The following SLC24A2 variants were observed in gnomAD, a reference collection of about 807,000 sequenced individuals.
SLC24A2 encodes solute carrier family 24 member 2.
Under a neutral mutation model 62.0 loss-of-function variants are expected in SLC24A2, and 36 were observed. The ratio of observed to expected loss-of-function variants is 0.58; its 90% CI spans 0.44 to 0.77. The LOEUF (loss-of-function observed/expected upper bound fraction) is 0.77. SLC24A2 is among the 30% of genes least tolerant of loss of function. SLC24A2 has a pLI of 0.00. For synonymous variants in SLC24A2, 358 were observed against 294.0 expected (o/e 1.22, Z -2.23); for missense variants, 846 against 817.9 (o/e 1.03, Z -0.42).
At chr9:19,972,617 GC>G in the SLC24A2 span, among the ~76,000 whole-genome samples, 4 of 152,086 alleles carry the variant, frequency 2.6e-5, no homozygotes, top group Non-Finnish European at 5.9e-5. Context: ...CTGTTTAGAA[GC>G]TTTTAGAGAG....
In SLC24A2 at chr9:19,710,467, A is replaced by G. The variant is rs10964257; in HGVS notation, c.930+75470T>C. Among the ~76,000 whole-genome samples, 313 of 152,318 alleles carry G rather than the reference A, an allele frequency of 2.1e-3. 5 individuals carry two copies. The East Asian group carries it at 0.029, about 14-fold the overall frequency. On this transcript the variant is annotated intron_variant, in intron 2 of 10. Coordinates refer to ENST00000341998, the MANE Select transcript of SLC24A2 (RefSeq NM_020344.4). ...GAAGTGACATCTACATTGAGATATA[A>G]TGGACCAGTAGGTCTCGGCCAGGAA...
chr9:19,972,456 T>C, the SLC24A2 span, among the ~76,000 whole-genome samples: 1 of 152,212 alleles, frequency 6.6e-6, no homozygotes, highest in Non-Finnish European at 1.5e-5. Flanking sequence ...ACATACATTA[T>C]GCATTGAATT....
intron 2 of SLC24A2, among the ~76,000 whole-genome samples, chr9:19,625,399 C>G (rs766324455): frequency 3.9e-5 from 6 of 152,134 alleles, no homozygotes; most frequent in Non-Finnish European, 7.4e-5. Flanking sequence ...CACAACTATT[C>G]TTTGAGGATT....
chr9:20,172,383 A>C, the SLC24A2 span, among the ~76,000 whole-genome samples: 4 of 152,150 alleles, frequency 2.6e-5, no homozygotes, highest in East Asian at 7.7e-4. Context: ...ACAAACAAAA[A>C]CAATACAAAA....
At chr9:20,243,261 A>G in the SLC24A2 span, among the ~76,000 whole-genome samples, 1 of 152,190 alleles carries the variant, frequency 6.6e-6, no homozygotes, top group Non-Finnish European at 1.5e-5. Context: ...CATCTGCTGT[A>G]TTTCAAGTGA....
chr9:20,184,830 A>G, the SLC24A2 span, among the ~76,000 whole-genome samples: 1 of 152,178 alleles, frequency 6.6e-6, no homozygotes, highest in Non-Finnish European at 1.5e-5. Flanking sequence ...GTTATTCATG[A>G]TAGTTAAGAC....
chr9:20,135,313 A>C, the SLC24A2 span, among the ~76,000 whole-genome samples: 1 of 150,790 alleles, frequency 6.6e-6, no homozygotes. Context: ...TAAAATTTTA[A>C]TTTTTAATTA....
the SLC24A2 span, among the ~76,000 whole-genome samples, chr9:19,898,425 C>T: frequency 6.6e-6 from 1 of 152,178 alleles, no homozygotes; most frequent in Non-Finnish European, 1.5e-5. Context: ...ACTCATCTTA[C>T]AGGTTTTGTG....
chr9:19,928,457 C>T, the SLC24A2 span: 1 of 152,208 alleles, frequency 6.6e-6, no homozygotes, highest in African/African-American at 2.4e-5. Context: ...TCATACTCTT[C>T]ATAGCTGAGT....
chr9:20,011,587 A>G, the SLC24A2 span, among the ~76,000 whole-genome samples: 1 of 152,176 alleles, frequency 6.6e-6, no homozygotes, highest in South Asian at 2.1e-4. Flanking sequence ...GAAAACTAAC[A>G]TTTGTGTTAC....
chr9:19,566,745 T>C lies in SLC24A2; in HGVS notation c.1347+6606A>G, dbSNP rs1171293415. ...CCAACAATAGACTGGATTAAGAAAA[T>C]GTGGCACATATACACCATGGAATAC... On this transcript the variant is annotated intron_variant, in intron 7 of 10. Coordinates refer to ENST00000341998, the MANE Select transcript of SLC24A2 (RefSeq NM_020344.4). Among the ~76,000 whole-genome samples the C allele has an allele frequency of 3.3e-5, 5 of 152,082 alleles. No homozygotes were observed. The East Asian group carries it at 7.7e-4, about 23-fold the overall frequency.
At chr9:19,572,534 C>T (rs1054681314) in intron 7 of SLC24A2, among the ~76,000 whole-genome samples, 1 of 152,060 alleles carries the variant, frequency 6.6e-6, no homozygotes, top group African/African-American at 2.4e-5. Flanking sequence ...CCCTCTTTTT[C>T]TTTCCTGCTC....
the SLC24A2 span, among the ~76,000 whole-genome samples, chr9:19,949,366 A>C: frequency 5.1e-4 from 77 of 152,318 alleles, no homozygotes; most frequent in Middle Eastern, 0.024. Context: ...GATTTTTCCT[A>C]GATATGAAGG....
chr9:19,594,495 A>ACCAACCAG (rs1428388790), intron 5 of SLC24A2, among the ~76,000 whole-genome samples: 3 of 152,032 alleles, frequency 2.0e-5, no homozygotes, highest in Non-Finnish European at 4.4e-5. Context: ...CAACCAACCA[A>ACCAACCAG]CCAAACAAAC....
the SLC24A2 span, among the ~76,000 whole-genome samples, chr9:19,964,488 G>T: frequency 6.6e-6 from 1 of 152,144 alleles, no homozygotes; most frequent in African/African-American, 2.4e-5. Context: ...TTGATAGAGG[G>T]CCTTCAGGAC....
At chr9:20,277,564 A>G in the SLC24A2 span, among the ~76,000 whole-genome samples, 49,866 of 151,746 alleles carry the variant, frequency 0.33, 8,718 homozygotes, top group African/African-American at 0.44. Flanking sequence ...TTAGAATGGC[A>G]ATCATTAAAA....
intron 4 of SLC24A2, among the ~76,000 whole-genome samples, chr9:19,610,264 A>G (rs1837116450): frequency 6.6e-6 from 1 of 152,248 alleles, no homozygotes; most frequent in Non-Finnish European, 1.5e-5. Context: ...CCCACAGAAA[A>G]TAAGTAAGAA....
chr9:19,783,775 G>T (rs781362848), intron 2 of SLC24A2, among the ~76,000 whole-genome samples: 5 of 152,136 alleles, frequency 3.3e-5, no homozygotes, highest in Non-Finnish European at 7.4e-5. Context: ...GTGTGACTGT[G>T]CTCTGGCATT....
At chr9:20,217,103 G>C in the SLC24A2 span, among the ~76,000 whole-genome samples, 1 of 151,958 alleles carries the variant, frequency 6.6e-6, no homozygotes, top group African/African-American at 2.4e-5. Context: ...AATGGATTGT[G>C]GTATAGTCAC....
Sources: allele counts gnomAD v4.1 joint callset (sites outside exome capture counted in the v4.1 genomes callset), GRCh38; gene constraint gnomAD v4.1.1; transcripts MANE v1.5; gene names NCBI Gene and HGNC (gene_info 2026-07-23, HGNC 2026-07-21).